Variants in AVEN observed in about 807,000 individuals in gnomAD.
The protein encoded by AVEN is cell death regulator Aven.
A neutral mutation model predicts 38.1 loss-of-function variants in AVEN; 41 were observed. The ratio of observed to expected loss-of-function variants is 1.08; its 90% CI spans 0.84 to 1.40. The LOEUF (loss-of-function observed/expected upper bound fraction) is 1.40, where lower values mean the gene tolerates loss of function less well. Ranked by LOEUF, AVEN falls within the 40% of genes most tolerant of loss-of-function variation. AVEN has a pLI of 0.00. For missense variants in AVEN, 605 were observed against 438.8 expected, an observed-to-expected ratio of 1.38 and a Z score of -3.38; for synonymous variants, 206 against 171.8, an observed-to-expected ratio of 1.20 and a Z score of -1.56.
chr15:33,866,730 T>G lies in AVEN; in HGVS notation c.974-2A>C, dbSNP rs199618887. 7 of 1,607,112 alleles carry G rather than the reference T, an allele frequency of 4.4e-6. No individual in the cohort carries two copies. The highest frequency in any genetic ancestry group is 1.3e-5 in the African/African-American group (1 of 74,726). On this transcript the variant is annotated splice_acceptor_variant, in intron 5 of 5. Transcript: ENST00000306730. LOFTEE classifies it high-confidence loss of function. ...CAGTCACAGATGGTTTTGCACAAAC[T>G]GGGGGAAAAAAAACAATGTTAACAC...
rs570508378 is a variant in AVEN, at chr15:33,893,233, C to G, written c.446-17238G>C. ...TATTTCTTTCTCCTGCCTGATTACA[C>G]CAGCCAGAACTTCCAACACTATGTT... On this transcript the variant is annotated intron_variant, in intron 2 of 5. Coordinates refer to ENST00000306730, the MANE Select transcript of AVEN (RefSeq NM_020371.3). Among the ~76,000 whole-genome samples the G allele has an allele frequency of 2.6e-4, 40 of 152,320 alleles. 2 individuals are homozygous for G. In the South Asian group the frequency reaches 5.8e-3, roughly 22 times the overall value.
chr15:34,047,625 T>A (rs932632562), intron 5 of AVEN, among the ~76,000 whole-genome samples: 2 of 152,092 alleles, frequency 1.3e-5, no homozygotes, highest in Non-Finnish European at 2.9e-5. Context: ...ACCTCTGTGG[T>A]TCAGTTGACT....
intron 2 of AVEN, among the ~76,000 whole-genome samples, chr15:33,944,104 T>C (rs1894420055): frequency 2.0e-5 from 3 of 152,184 alleles, no homozygotes; most frequent in African/African-American, 7.2e-5. Flanking sequence ...CTGATAGTAC[T>C]ATATTTTCCC....
At chr15:33,862,523 C>CTAGA (rs1416190721), downstream of AVEN, among the ~76,000 whole-genome samples, 2 of 152,174 alleles carry the variant, frequency 1.3e-5, no homozygotes, top group Non-Finnish European at 2.9e-5. Context: ...TTTCTTTAGG[C>CTAGA]TAGAGCAGGC....
intron 11 of AVEN, chr15:33,860,659 G>C: frequency 2.5e-6 from 4 of 1,583,470 alleles, no homozygotes; most frequent in East Asian, 2.3e-5. Flanking sequence ...AAGATATGGA[G>C]GTAATGTTAC....
chr15:34,042,112 T>C (rs1567485223), upstream of AVEN, among the ~76,000 whole-genome samples: 1 of 152,188 alleles, frequency 6.6e-6, no homozygotes, highest in Admixed American at 6.6e-5. Context: ...CAAAAATGTG[T>C]TATTAAGGTT....
chr15:33,939,817 G>A (rs1380878590), intron 2 of AVEN, among the ~76,000 whole-genome samples: 2 of 152,106 alleles, frequency 1.3e-5, no homozygotes, highest in Non-Finnish European at 1.5e-5. Context: ...GAAGTAGTTA[G>A]GATTAGAAGA....
intron 5 of AVEN, among the ~76,000 whole-genome samples, chr15:34,053,688 T>C: frequency 6.6e-6 from 1 of 152,026 alleles, no homozygotes; most frequent in Non-Finnish European, 1.5e-5. Flanking sequence ...TCAAGATGAA[T>C]TAAAGATTTA....
downstream of AVEN, chr15:33,854,642 C>A: frequency 7.7e-7 from 1 of 1,300,608 alleles, no homozygotes; most frequent in Non-Finnish European, 1.1e-6. Context: ...TGGGCCAGCT[C>A]ACAGCACCTC....
intron 2 of AVEN, among the ~76,000 whole-genome samples, chr15:33,879,717 C>A (rs1351919606): frequency 6.6e-6 from 1 of 152,078 alleles, no homozygotes; most frequent in East Asian, 1.9e-4. Flanking sequence ...CACCATTAGA[C>A]TCTCGCTATT....
At chr15:33,968,756 G>T (rs367752305) in intron 2 of AVEN, 1 of 152,142 alleles carries the variant, frequency 6.6e-6, no homozygotes, top group Non-Finnish European at 1.5e-5. Flanking sequence ...ATTTGGAAGC[G>T]TGTGTAATTC....
Position 33,933,491 on chromosome 15 carries a change from TCA to T in AVEN, c.446-57498_446-57497del, listed in dbSNP as rs71974331. 4.4e-3 allele frequency among the ~76,000 whole-genome samples: 302 copies of T among 68,276 alleles called. 9 individuals are homozygous for T. The highest frequency in any genetic ancestry group is 0.014 in the South Asian group (20 of 1,406). The allele number at this position is 68,276 out of a possible 152,430, so 44.8% of individuals were successfully genotyped here. A position where few individuals can be genotyped will look rare whatever the true frequency, so the allele number is the denominator to read the frequency against. Reference sequence around the variant, plus strand: ...GTAAGCCAGGCCTGGCCTCCAACAATCACACACACACACACACACACACACAC... The same window carrying T: ...GTAAGCCAGGCCTGGCCTCCAACAATCACACACACACACACACACACACAC... On this transcript the variant is annotated intron_variant, in intron 2 of 5. Transcript: ENST00000306730.
chr15:33,877,606 G>A lies in AVEN; in HGVS notation c.446-1611C>T, dbSNP rs536376592. Among the ~76,000 whole-genome samples, 12 of 152,346 alleles carry A rather than the reference G, an allele frequency of 7.9e-5. No homozygotes were observed. The East Asian group carries it at 2.1e-3, about 27-fold the overall frequency. ...GAGGAGGGTGGATCACTTGAGGTCA[G>A]GAGTTCAAGACCAGCCTGACCAACA... is the stretch of plus-strand genomic sequence containing the variant. On this transcript the variant is annotated intron_variant, in intron 2 of 5. Transcript: ENST00000306730.
chr15:33,933,000 G>A (rs1893908597), intron 2 of AVEN, among the ~76,000 whole-genome samples: 1 of 115,472 alleles, frequency 8.7e-6, no homozygotes, highest in African/African-American at 2.8e-5. Context: ...TTTTGTTTCT[G>A]GTATATGTGG....
At chr15:33,997,608 T>G (rs756306956) in intron 2 of AVEN, among the ~76,000 whole-genome samples, 1 of 152,138 alleles carries the variant, frequency 6.6e-6, no homozygotes, top group Non-Finnish European at 1.5e-5. Context: ...TCACACTTTC[T>G]CAAGAAGGTC....
chr15:34,073,645 C>T (rs1260634577), intron 1 of AVEN, among the ~76,000 whole-genome samples: 3 of 151,100 alleles, frequency 2.0e-5, no homozygotes, highest in African/African-American at 4.9e-5. Flanking sequence ...CTCAGCCTCC[C>T]GAGTAGCTGG....
chr15:33,894,495 G>A, intron 2 of AVEN, among the ~76,000 whole-genome samples: 1 of 120,526 alleles, frequency 8.3e-6, no homozygotes, highest in Non-Finnish European at 1.7e-5. Flanking sequence ...AGGCAGTTGG[G>A]GTGGATAGGG....
At chr15:33,862,208 A>G (rs754822917), downstream of AVEN, among the ~76,000 whole-genome samples, 1 of 151,666 alleles carries the variant, frequency 6.6e-6, no homozygotes, top group Non-Finnish European at 1.5e-5. Context: ...TTTGTAGCTT[A>G]GAGAGTCCTC....
In AVEN at chr15:33,866,609, CT is replaced by C; in HGVS notation, c.*3del. 1 of 1,611,230 alleles carries C rather than the reference CT, an allele frequency of 6.2e-7. No homozygotes were observed. The highest frequency in any genetic ancestry group is 8.5e-7 in the Non-Finnish European group (1 of 1,178,252). ...ATTTGCTTCAGGCACTTTTTTTCCC[CT>C]TTTTAGGAAATCATGCTGTCCAACC... On this transcript the variant is annotated 3_prime_UTR_variant, in exon 6 of 6. Transcript: ENST00000306730.
Sources: allele counts gnomAD v4.1 joint callset (sites outside exome capture counted in the v4.1 genomes callset), GRCh38; gene constraint gnomAD v4.1.1; transcripts MANE v1.5; gene names NCBI Gene and HGNC (gene_info 2026-07-23, HGNC 2026-07-21).